The following AKAP13 variants were observed in gnomAD, a reference collection of about 807,000 sequenced individuals.
AKAP13 encodes A-kinase anchor protein 13.
In AKAP13, 80 loss-of-function variants were observed where a neutral mutation model predicts 264.5. The ratio of observed to expected loss-of-function variants is 0.30; its 90% CI spans 0.25 to 0.36. AKAP13 has a LOEUF of 0.36. Ranked by LOEUF, AKAP13 falls within the 10% of genes least tolerant of loss-of-function variation. The pLI, the probability that AKAP13 is intolerant of heterozygous loss-of-function variation, is 1.00. For synonymous variants in AKAP13, 1,380 were observed against 1,250.2 expected (o/e 1.10, Z -2.19); for missense variants, 3,712 against 3,435.2 (o/e 1.08, Z -2.01).
chr15:85,591,681 T>A (rs1282709408), intron 8 of AKAP13, among the ~76,000 whole-genome samples: 1 of 152,072 alleles, frequency 6.6e-6, no homozygotes, highest in Non-Finnish European at 1.5e-5. Flanking sequence ...TTCGCCTTCA[T>A]AGTATGTCCC....
chr15:85,630,097 C>T (rs750507901), intron 8 of AKAP13, among the ~76,000 whole-genome samples: 5 of 151,616 alleles, frequency 3.3e-5, no homozygotes, highest in Admixed American at 6.6e-5. Flanking sequence ...TCTAATCTCC[C>T]GAGTTCTCTG....
In AKAP13 at chr15:85,451,801, A is replaced by T. The variant is rs189352485; in HGVS notation, c.-11-33909A>T. Among the ~76,000 whole-genome samples the T allele has an allele frequency of 4.0e-3, 606 of 152,276 alleles. 3 individuals are homozygous for T. The highest frequency in any genetic ancestry group is 6.8e-3 in the Non-Finnish European group (465 of 68,032). ...TTTTCCCTAACTGCCTTTAACATTT[A>T]TTCTTTAATTTTCATCTTGGAAAAT... On this transcript the variant is annotated intron_variant, in intron 1 of 36. Coordinates refer to ENST00000394518, the MANE Select transcript of AKAP13 (RefSeq NM_007200.5).
chr15:85,526,615 G>A (rs978574996), intron 3 of AKAP13, among the ~76,000 whole-genome samples: 6 of 152,286 alleles, frequency 3.9e-5, no homozygotes, highest in African/African-American at 1.2e-4. Context: ...AGCAGCAGGT[G>A]TCCAGTATTA....
chr15:85,689,215 A>C (rs2085122838), intron 16 of AKAP13, among the ~76,000 whole-genome samples: 1 of 152,192 alleles, frequency 6.6e-6, no homozygotes, highest in Non-Finnish European at 1.5e-5. Context: ...ACATTCAGTT[A>C]CAGCTCCTAG....
intron 1 of AKAP13, among the ~76,000 whole-genome samples, chr15:85,468,513 T>C (rs955057078): frequency 1.3e-5 from 2 of 152,326 alleles, no homozygotes; most frequent in Admixed American, 6.5e-5. Flanking sequence ...ATTTTAACAA[T>C]ATAGCTTTGA....
chr15:85,523,005 T>C (rs1346385461), intron 3 of AKAP13, among the ~76,000 whole-genome samples: 1 of 146,518 alleles, frequency 6.8e-6, no homozygotes, highest in African/African-American at 2.5e-5. Flanking sequence ...GCAGCTGATA[T>C]GAGGTGCCTC....
intron 1 of AKAP13, among the ~76,000 whole-genome samples, chr15:85,438,688 G>A (rs1027722790): frequency 6.6e-6 from 1 of 150,890 alleles, no homozygotes; most frequent in African/African-American, 2.4e-5. Context: ...TCTGATCTTT[G>A]ACAAACCTGA....
At chr15:85,706,545 C>T (rs932984114) in intron 17 of AKAP13, among the ~76,000 whole-genome samples, 1 of 152,140 alleles carries the variant, frequency 6.6e-6, no homozygotes, top group Admixed American at 6.5e-5. Flanking sequence ...ACATGCAGAG[C>T]CAGGACCTAC....
intron 9 of AKAP13, among the ~76,000 whole-genome samples, chr15:85,643,280 C>G (rs369567): frequency 0.14 from 21,852 of 151,820 alleles, 2,748 homozygotes; most frequent in East Asian, 0.36. Context: ...TGCTTCCCCC[C>G]CAACACTAAA....
chr15:85,744,578 A>G (rs754421340), intron 36 of AKAP13, 50 bp from the exon 37 acceptor site: 24 of 1,598,292 alleles, frequency 1.5e-5, no homozygotes, highest in Non-Finnish European at 1.9e-5. Context: ...AGTTCAATGA[A>G]AGGAGCAGTT....
chr15:85,401,120 T>G (rs532226534), intron 1 of AKAP13, among the ~76,000 whole-genome samples: 179 of 152,088 alleles, frequency 1.2e-3, no homozygotes, highest in African/African-American at 4.1e-3. Context: ...CCTTGGCCTC[T>G]CAAAGTGCTG....
At chr15:85,397,025 G>T in intron 1 of AKAP13, among the ~76,000 whole-genome samples, 1 of 139,208 alleles carries the variant, frequency 7.2e-6, no homozygotes. Context: ...CATTGAATTT[G>T]GTGATTCCCC....
At chr15:85,545,899 A>C (rs891961304) in intron 5 of AKAP13, among the ~76,000 whole-genome samples, 1 of 152,204 alleles carries the variant, frequency 6.6e-6, no homozygotes, top group African/African-American at 2.4e-5. Flanking sequence ...ATTCAGTAGC[A>C]TTCAGTACCA....
At chr15:85,439,800 T>A (rs2073539828) in intron 1 of AKAP13, among the ~76,000 whole-genome samples, 1 of 118,276 alleles carries the variant, frequency 8.5e-6, no homozygotes, top group South Asian at 2.9e-4. Context: ...AAGGGGAATA[T>A]CACACTCTGG....
intron 8 of AKAP13, among the ~76,000 whole-genome samples, chr15:85,630,050 A>G (rs62022867): frequency 0.2 from 30,724 of 151,522 alleles, 4,132 homozygotes; most frequent in Middle Eastern, 0.42. Context: ...TTTGTTTTGT[A>G]TCTGCTTTGA....
In AKAP13 at chr15:85,718,122, A is replaced by G. The variant is rs762421625; in HGVS notation, c.5964A>G (p.Gln1988=). ...RIIDSKFLKQ[Q]KKDVVKRQEV... ...TAGACAGCAAGTTTCTAAAACAGCA[A>G]AAGAAAGATGTGGTCAAACGGCAAG... Residue 1988 remains glutamine (Q), a synonymous_variant, in exon 22 of 37, where the codon CAA becomes CAG. Coordinates refer to ENST00000394518, the MANE Select transcript of AKAP13 (RefSeq NM_007200.5). The surrounding 1 kb of genome is among the most constrained non-coding windows in gnomAD (Gnocchi z 4.9). The G allele has an allele frequency of 2.5e-6, 4 of 1,614,200 alleles. No homozygotes were observed. In the South Asian group the frequency reaches 4.4e-5, roughly 18 times the overall value.
intron 8 of AKAP13, among the ~76,000 whole-genome samples, chr15:85,602,301 A>G (rs1158512228): frequency 6.7e-6 from 1 of 150,292 alleles, no homozygotes; most frequent in Non-Finnish European, 1.5e-5. Context: ...TCAGCCTCCC[A>G]AGTAGCTGAG....
At chr15:85,685,828 G>A (rs1015322908) in intron 16 of AKAP13, among the ~76,000 whole-genome samples, 5 of 151,932 alleles carry the variant, frequency 3.3e-5, no homozygotes, top group Non-Finnish European at 7.4e-5. Context: ...TGCTCATTAT[G>A]GAAATCTTCA....
chr15:85,417,684 T>C (rs1344770477), intron 1 of AKAP13, among the ~76,000 whole-genome samples: 3 of 152,250 alleles, frequency 2.0e-5, no homozygotes, highest in African/African-American at 7.2e-5. Flanking sequence ...CATTTTCTGC[T>C]GTATTCCAAC....
Sources: gnomAD v4.1 joint callset for allele counts (sites outside exome capture counted in the v4.1 genomes callset) on GRCh38, gnomAD v4.1.1 for gene constraint, Gnocchi (gnomAD v3.1) non-coding constraint, MANE v1.5 for transcripts, NCBI Gene and HGNC (gene_info 2026-07-23, HGNC 2026-07-21) for gene names.